Variants in KCNN1 observed in about 807,000 individuals in gnomAD.
KCNN1 encodes potassium calcium-activated channel subfamily N member 1, also known as small conductance calcium-activated potassium channel protein 1.
Under a neutral mutation model 44.7 loss-of-function variants are expected in KCNN1, and 20 were observed. The ratio of observed to expected loss-of-function variants is 0.45; its 90% CI spans 0.32 to 0.65. KCNN1 has a LOEUF of 0.65. KCNN1 is among the 30% of genes least tolerant of loss of function. The probability of loss-of-function intolerance (pLI) is 0.05; values close to 1 mark genes in which losing one functional copy is unlikely to be tolerated. For missense variants in KCNN1, 632 were observed against 785.3 expected (o/e 0.80, Z 2.33); for synonymous variants, 324 against 341.7 (o/e 0.95, Z 0.57).
chr19:17,960,850 T>A (rs2031660141), intron 2 of KCNN1, among the ~76,000 whole-genome samples: 1 of 151,952 alleles, frequency 6.6e-6, no homozygotes, highest in Non-Finnish European at 1.5e-5. Flanking sequence ...CTTCTCCCTG[T>A]TTGTCCATCT....
At chr19:17,978,126 GTTTT>G (rs761452750) in intron 3 of KCNN1, among the ~76,000 whole-genome samples, 1 of 130,954 alleles carries the variant, frequency 7.6e-6, no homozygotes. Context: ...ATGTATACTT[GTTTT>G]TTTTTTTTTT....
chr19:17,983,430 G>A lies in KCNN1; in HGVS notation c.917+1303G>A, dbSNP rs982731290. On this transcript the variant is annotated intron_variant, in intron 4 of 9. Transcript: ENST00000684775. The surrounding 1 kb of genome is among the most constrained non-coding windows in gnomAD (Gnocchi z 4.5). ...CTGGCTCTCAGGGATGAAAGGCCCA[G>A]TTTCTCTGGCTGTTAAGGCTTCCAG... 7.2e-5 allele frequency among the ~76,000 whole-genome samples: 11 copies of A among 152,072 alleles called. No homozygotes were observed. Among genetic ancestry groups the A allele is most frequent in the Non-Finnish European group, 1.3e-4 (9 of 67,970 alleles).
At chr19:17,979,215 C>G (rs1037102382) in intron 3 of KCNN1, among the ~76,000 whole-genome samples, 5 of 149,626 alleles carry the variant, frequency 3.3e-5, no homozygotes, top group African/African-American at 1.2e-4. Context: ...GGGCGGATCA[C>G]GAGGTCAGGA....
At chr19:17,979,147 A>AG (rs1208527837) in intron 3 of KCNN1, among the ~76,000 whole-genome samples, 1 of 150,924 alleles carries the variant, frequency 6.6e-6, no homozygotes, top group East Asian at 2.0e-4. Context: ...TCTTAAAAAA[A>AG]AAAAAAAAAA....
intron 3 of KCNN1, among the ~76,000 whole-genome samples, chr19:17,975,902 G>C (rs767158284): frequency 3.3e-5 from 5 of 151,896 alleles, no homozygotes; most frequent in African/African-American, 1.2e-4. Flanking sequence ...TCAGTGTCTC[G>C]CCATATTGCC....
At position 17,973,950 on chromosome 19, in the gene KCNN1, T is replaced by C; in HGVS notation, c.62T>C (p.Leu21Pro). 1.3e-6 allele frequency: 2 copies of C among 1,560,302 alleles called. No individual in the cohort carries two copies. The highest frequency in any genetic ancestry group is 2.3e-5 in the South Asian group (2 of 85,658). ...GRPLGSGPGA[L>P]GRDPPDPEAG... ...CCGCTGGGCAGCGGGCCGGGCGCCC[T>C]GGGACGAGACCCTCCGGACCCTGAG... The change falls in exon 2 of 10, where the codon CTG becomes CCG. Residue 21 changes from leucine to proline, a missense_variant. This residue lies in a region of KCNN1 where 235 missense variants were observed against 224.0 expected (regional missense o/e 1.05). Transcript: ENST00000684775.
intron 9 of KCNN1, among the ~76,000 whole-genome samples, chr19:17,995,607 A>G (rs1001578653): frequency 6.6e-6 from 1 of 151,972 alleles, no homozygotes; most frequent in African/African-American, 2.4e-5. Context: ...TCTTTTTGAG[A>G]CAGAGTCTCA....
In KCNN1 at chr19:17,998,355, C is replaced by A. The variant is rs1212831296; in HGVS notation, c.1581C>A (p.Ala527=). 4.0e-6 allele frequency: 6 copies of A among 1,513,198 alleles called. No homozygotes were observed. Among genetic ancestry groups the A allele is most frequent in the Non-Finnish European group, 4.4e-6 (5 of 1,134,426 alleles). The allele number at this position is 1,513,198 out of a possible 1,614,324, so 93.7% of individuals were successfully genotyped here. Residue 527 remains alanine (A), a synonymous_variant, in exon 10 of 10, where the codon GCC becomes GCA. Transcript: ENST00000684775. The surrounding 1 kb of genome is among the most constrained non-coding windows in gnomAD (Gnocchi z 5.4). ...RPGPGPQDQA[A]RSSPCRWTPV... ...GCCCCGGCCCCCAAGACCAGGCAGC[C>A]CGGAGCTCCCCCTGCCGGTGGACGC...
intron 2 of KCNN1, among the ~76,000 whole-genome samples, chr19:17,961,586 C>CTTTCTT (rs113710284): frequency 7.7e-6 from 1 of 130,050 alleles, no homozygotes; most frequent in Non-Finnish European, 1.6e-5. Context: ...TTCTTTCTTT[C>CTTTCTT]TTTTTTTTTT....
At position 17,974,153 on chromosome 19, in the gene KCNN1, GTGGGCCACCGCC is replaced by G. The variant is rs2032125608; in HGVS notation, c.276_287del (p.Leu93_Arg96del). On this transcript the variant is annotated inframe_deletion, in exon 2 of 10. Coordinates refer to ENST00000684775, the MANE Select transcript of KCNN1 (RefSeq NM_001386974.1). This position sits in a 1 kb window ranked among gnomAD's most constrained non-coding sequence, Gnocchi z 7.3. Reference sequence around the variant, plus strand: ...GAGAGCCTCGGGGAAACCCTCAAATGTGGGCCACCGCCTGGGCCACCGGCGGGCGCTCTTCGA... The same window carrying G: ...GAGAGCCTCGGGGAAACCCTCAAATGTGGGCCACCGGCGGGCGCTCTTCGA... The G allele has an allele frequency of 6.2e-7, 1 of 1,613,596 alleles. No individual in the cohort carries two copies. Among genetic ancestry groups the G allele is most frequent in the Non-Finnish European group, 8.5e-7 (1 of 1,179,884 alleles).
chr19:17,981,942 G>A lies in KCNN1; in HGVS notation c.732G>A (p.Val244=), dbSNP rs1420663613. 1 of 1,612,224 alleles carries A rather than the reference G, an allele frequency of 6.2e-7. No homozygotes were observed. The part of the protein sequence containing the change: ...MFLRLYLLGR[V]MLLHSKIFTD... The stretch of plus-strand genomic sequence containing the variant: ...TGCGCCTCTACCTGCTGGGCCGGGT[G>A]ATGCTACTGCACAGCAAAATCTTCA... The change falls in exon 4 of 10, where the codon GTG becomes GTA. Residue 244 remains valine (V), a synonymous_variant. Transcript: ENST00000684775.
intron 2 of KCNN1, among the ~76,000 whole-genome samples, chr19:17,960,491 G>A (rs1207632078): frequency 2.6e-5 from 4 of 152,058 alleles, no homozygotes; most frequent in Admixed American, 6.6e-5. Context: ...TTAGCCAGGC[G>A]TGGTGGTGGG....
At chr19:17,964,868 A>G (rs368359313), upstream of KCNN1, among the ~76,000 whole-genome samples, 5 of 152,210 alleles carry the variant, frequency 3.3e-5, no homozygotes, top group East Asian at 3.9e-4. This position sits in a 1 kb window ranked among gnomAD's most constrained non-coding sequence, Gnocchi z 4.3. Flanking sequence ...CAGAGGGAGA[A>G]GGTGGGTACA....
Position 17,974,098 on chromosome 19 carries a change from G to A in KCNN1, c.210G>A (p.Glu70=), listed in dbSNP as rs2032122703. The part of the protein sequence containing the change: ...RGQPQDQDDD[E]DDEEDEAGRQ... Reference sequence around the variant, plus strand: ...AGCCCCAGGACCAGGACGATGACGAGGATGATGAGGAAGATGAGGCCGGCA... The same window carrying A: ...AGCCCCAGGACCAGGACGATGACGAAGATGATGAGGAAGATGAGGCCGGCA... The change falls in exon 2 of 10, where the codon GAG becomes GAA. Residue 70 remains glutamate, a synonymous_variant. Coordinates refer to ENST00000684775, the MANE Select transcript of KCNN1 (RefSeq NM_001386974.1). This position sits in a 1 kb window ranked among gnomAD's most constrained non-coding sequence, Gnocchi z 7.3. 3.7e-6 allele frequency: 6 copies of A among 1,612,114 alleles called. No individual in the cohort carries two copies. Among genetic ancestry groups the A allele is most frequent in the Non-Finnish European group, 5.1e-6 (6 of 1,179,820 alleles).
chr19:17,970,241 TG>T lies in KCNN1; in HGVS notation c.-82+2927del, dbSNP rs148498906. On this transcript the variant is annotated intron_variant, in intron 1 of 9. Transcript: ENST00000684775. ...TGTGATGGGTGAGGGTGGGAAGGGG[TG>T]GGACAAGTTCTGAGACTCATGAGGT... Among the ~76,000 whole-genome samples the T allele has an allele frequency of 2.6e-3, 282 of 108,648 alleles. 4 individuals are homozygous for T. Among genetic ancestry groups the T allele is most frequent in the Admixed American group, 0.021 (172 of 8,374 alleles). 71.3% of individuals were successfully genotyped at this position (108,648 alleles called of 152,430 possible). A position where few individuals can be genotyped will look rare whatever the true frequency, so the allele number is the denominator to read the frequency against.
intron 2 of KCNN1, among the ~76,000 whole-genome samples, chr19:17,961,102 C>G (rs545694008): frequency 1.1e-4 from 17 of 149,064 alleles, no homozygotes; most frequent in African/African-American, 4.2e-4. Flanking sequence ...AGGAGAATTG[C>G]GTGAACCCAG....
In KCNN1 at chr19:17,998,061, G is replaced by A. The variant is rs67535954; in HGVS notation, c.1378-91G>A. ...GGCTGGCACCCACCTGGAGCGTGTG[G>A]GCTGTCCCTCTCTGTCATTGGTGTC... On this transcript the variant is annotated intron_variant, in intron 9 of 9. Coordinates refer to ENST00000684775, the MANE Select transcript of KCNN1 (RefSeq NM_001386974.1). This position sits in a 1 kb window ranked among gnomAD's most constrained non-coding sequence, Gnocchi z 5.4. 67,893 of 1,399,648 alleles carry A rather than the reference G, an allele frequency of 0.049. 2,000 individuals carry two copies. Among genetic ancestry groups the A allele is most frequent in the African/African-American group, 0.099 (6,842 of 69,232 alleles). The allele number at this position is 1,399,648 out of a possible 1,614,324, so 86.7% of individuals were successfully genotyped here.
At chr19:17,964,232 C>T (rs1391094177), upstream of KCNN1, among the ~76,000 whole-genome samples, 1 of 152,256 alleles carries the variant, frequency 6.6e-6, no homozygotes, top group African/African-American at 2.4e-5. This position sits in a 1 kb window ranked among gnomAD's most constrained non-coding sequence, Gnocchi z 4.3. Context: ...TCCATCCGGG[C>T]AGTCCGGGCT....
intron 2 of KCNN1, among the ~76,000 whole-genome samples, chr19:17,960,121 GA>G (rs1396556197): frequency 6.7e-6 from 1 of 149,606 alleles, no homozygotes; most frequent in African/African-American, 2.5e-5. Flanking sequence ...AAAAAAAAAA[GA>G]AAAAGAAATA....
Sources: gnomAD v4.1 joint callset for allele counts (sites outside exome capture counted in the v4.1 genomes callset) on GRCh38, gnomAD v4.1.1 for gene constraint, gnomAD v4.1.1 regional missense constraint, Gnocchi (gnomAD v3.1) non-coding constraint, MANE v1.5 for transcripts, NCBI Gene and HGNC (gene_info 2026-07-23, HGNC 2026-07-21) for gene names.